Variants in MAPK6 observed in about 807,000 individuals in gnomAD.
MAPK6 encodes mitogen-activated protein kinase 6.
In MAPK6, 19 loss-of-function variants were observed where a neutral mutation model predicts 59.3. The ratio of observed to expected loss-of-function variants is 0.32; its 90% CI spans 0.22 to 0.47. The LOEUF (loss-of-function observed/expected upper bound fraction) is 0.47, where lower values mean the gene tolerates loss of function less well. Ranked by LOEUF, MAPK6 falls within the 20% of genes least tolerant of loss-of-function variation. The pLI is 1.00. For missense variants in MAPK6, 724 were observed against 847.9 expected, an observed-to-expected ratio of 0.85 and a Z score of 1.81; for synonymous variants, 316 against 290.3, an observed-to-expected ratio of 1.09 and a Z score of -0.90.
At chr15:51,975,803 G>A (rs761346443) in intron 1 of MAPK6, among the ~76,000 whole-genome samples, 2 of 151,770 alleles carry the variant, frequency 1.3e-5, no homozygotes, top group Non-Finnish European at 2.9e-5. Context: ...GAGGAACCTT[G>A]TAGTTTCTCT....
At chr15:52,037,665 C>T (rs1478228737) in intron 1 of MAPK6, among the ~76,000 whole-genome samples, 4 of 152,072 alleles carry the variant, frequency 2.6e-5, no homozygotes, top group African/African-American at 4.8e-5. Flanking sequence ...CCTGTGCATT[C>T]GCATAGAGTG....
chr15:52,016,070 G>GCGCGCAAACACACACACACACACACACA, upstream of MAPK6, among the ~76,000 whole-genome samples: 1 of 55,390 alleles, frequency 1.8e-5, no homozygotes, highest in Non-Finnish European at 3.4e-5. Context: ...GCGCGCGCGC[G>GCGCGCAAACACACACACACACACACACA]CACACACACA....
upstream of MAPK6, chr15:52,018,894 C>T (rs1000815138): frequency 1.3e-5 from 2 of 152,508 alleles, no homozygotes; most frequent in East Asian, 3.8e-4. Context: ...AGGCCTCTTC[C>T]TCTCGGATTG....
At chr15:52,008,008 G>A (rs1388746506) in intron 3 of MAPK6, among the ~76,000 whole-genome samples, 3 of 151,870 alleles carry the variant, frequency 2.0e-5, no homozygotes, top group Non-Finnish European at 4.4e-5. Context: ...CACCACGCCC[G>A]GCTAATTTTT....
At chr15:52,031,554 G>A (rs1023818002) in intron 1 of MAPK6, among the ~76,000 whole-genome samples, 14 of 152,158 alleles carry the variant, frequency 9.2e-5, no homozygotes, top group Non-Finnish European at 1.9e-4. Flanking sequence ...ATGTTGACCA[G>A]GCGTGGTGGC....
At position 52,058,611 on chromosome 15, in the gene MAPK6, TTTG is replaced by T; in HGVS notation, c.701-19_701-17del. 3.2e-6 allele frequency: 5 copies of T among 1,568,912 alleles called. No homozygotes were observed. The highest frequency in any genetic ancestry group is 4.3e-6 in the Non-Finnish European group (5 of 1,155,608). On this transcript the variant is annotated intron_variant, in intron 3 of 5. Transcript: ENST00000261845. ...AAGTAAACATTGAGGAATGTGTTTT[TTTG>T]TTTGTTTTTTAACCTCAGGTGCACA...
chr15:52,056,009 G>C (rs560413351), intron 3 of MAPK6, among the ~76,000 whole-genome samples: 1 of 152,168 alleles, frequency 6.6e-6, no homozygotes, highest in Non-Finnish European at 1.5e-5. Flanking sequence ...GTGCTTTATT[G>C]ATTTTTGTCA....
intron 3 of MAPK6, among the ~76,000 whole-genome samples, chr15:52,010,514 C>CT (rs762352581): frequency 0.034 from 3,167 of 91,808 alleles, 88 homozygotes; most frequent in African/African-American, 0.043. Context: ...TGCACCCAGC[C>CT]TTTTTTTTTT....
rs1001693116 is a variant in MAPK6, at chr15:51,981,740, C to T, written c.-879-1466C>T. Among the ~76,000 whole-genome samples, 14 of 152,030 alleles carry T rather than the reference C, an allele frequency of 9.2e-5. 1 individual carries two copies. In the East Asian group the frequency reaches 2.7e-3, roughly 29 times the overall value. On this transcript the variant is annotated intron_variant, in intron 1 of 7. Transcript: ENST00000691380. ...AGGATGAGGTCAGCGTACTCAACAC[C>T]AGAGCAGGAACAACTACTGGAGGAA...
At position 52,047,035 on chromosome 15, in the gene MAPK6, T is replaced by C. The variant is rs374066365; in HGVS notation, c.555+20T>C. On this transcript the variant is annotated intron_variant, in intron 2 of 5. Coordinates refer to ENST00000261845, the MANE Select transcript of MAPK6 (RefSeq NM_002748.4). Reference sequence around the variant, plus strand: ...CATAAGGTATGTATAGAAAGCCAGCTGAGACAGATCTTTAAACTGATACAC... The same window carrying C: ...CATAAGGTATGTATAGAAAGCCAGCCGAGACAGATCTTTAAACTGATACAC... 23 of 1,504,166 alleles carry C rather than the reference T, an allele frequency of 1.5e-5. No individual in the cohort carries two copies. The highest frequency in any genetic ancestry group is 2.0e-5 in the Non-Finnish European group (22 of 1,127,162). 93.2% of individuals were successfully genotyped at this position (1,504,166 alleles called of 1,614,324 possible).
At position 52,037,808 on chromosome 15, in the gene MAPK6, C is replaced by G. The variant is rs75610654; in HGVS notation, c.-631-8022C>G. On this transcript the variant is annotated intron_variant, in intron 1 of 5. Transcript: ENST00000261845. Reference sequence around the variant, plus strand: ...TAGGACTTCCCTTCTCCAAAGCTTTCTACTCACGTAGAATATGCTATTTAC... The same window carrying G: ...TAGGACTTCCCTTCTCCAAAGCTTTGTACTCACGTAGAATATGCTATTTAC... Among the ~76,000 whole-genome samples, 1,245 of 152,288 alleles carry G rather than the reference C, an allele frequency of 8.2e-3. 15 individuals are homozygous for G. Among genetic ancestry groups the G allele is most frequent in the African/African-American group, 0.028 (1,172 of 41,560 alleles).
rs574502331 is a variant in MAPK6, at chr15:52,047,743, C to T, written c.555+728C>T. On this transcript the variant is annotated intron_variant, in intron 2 of 5. Coordinates refer to ENST00000261845, the MANE Select transcript of MAPK6 (RefSeq NM_002748.4). Reference sequence around the variant, plus strand: ...GCTCAAGTGATCCTCTGGCCTCAGCCTCCTGAATAGCTGAGGCTAAAGGTG... The same window carrying T: ...GCTCAAGTGATCCTCTGGCCTCAGCTTCCTGAATAGCTGAGGCTAAAGGTG... Among the ~76,000 whole-genome samples the T allele has an allele frequency of 1.8e-4, 28 of 151,914 alleles. 1 individual carries two copies. In the South Asian group the frequency reaches 5.2e-3, roughly 28 times the overall value.
At chr15:52,045,722 G>A (rs1028311803) in intron 1 of MAPK6, 108 bp from the exon 2 acceptor site, 3 of 152,592 alleles carry the variant, frequency 2.0e-5, no homozygotes, top group African/African-American at 4.8e-5. Flanking sequence ...TAAGTTTAAT[G>A]TACCAGTAGT....
At chr15:52,014,069 AT>A (rs763328315) in intron 3 of MAPK6, among the ~76,000 whole-genome samples, 6,492 of 140,530 alleles carry the variant, frequency 0.046, 209 homozygotes, top group African/African-American at 0.087. Context: ...TTCATCTGGG[AT>A]TTTTTTTTTT....
chr15:52,057,387 C>A (rs948041314), intron 3 of MAPK6: 1 of 152,260 alleles, frequency 6.6e-6, no homozygotes, highest in Admixed American at 6.5e-5. Flanking sequence ...CCCCAAGCTA[C>A]TCTCCTTTTG....
intron 1 of MAPK6, among the ~76,000 whole-genome samples, chr15:52,025,914 C>T (rs1032672687): frequency 1.3e-5 from 2 of 152,166 alleles, no homozygotes; most frequent in African/African-American, 2.4e-5. Context: ...TAATAATTGT[C>T]CTTTCTTAAT....
chr15:52,010,060 C>T (rs551135449), intron 3 of MAPK6, among the ~76,000 whole-genome samples: 2 of 151,788 alleles, frequency 1.3e-5, no homozygotes, highest in African/African-American at 2.4e-5. Flanking sequence ...CGTGAGTCAC[C>T]GTGCCTGGCC....
rs893543157 is a variant in MAPK6 at position 52,021,310 on chromosome 15, G to C, written c.-632+1934G>C. 5.0e-4 allele frequency among the ~76,000 whole-genome samples: 76 copies of C among 151,342 alleles called. 1 individual carries two copies. The highest frequency in any genetic ancestry group is 3.4e-3 in the Middle Eastern group (1 of 290). On this transcript the variant is annotated intron_variant, in intron 1 of 5. Transcript: ENST00000261845. ...TAGGAGGAAGCTTACAAGTGCTGCT[G>C]CAAGTTTTGAGTTGGATGATGACTC...
At chr15:52,021,238 A>G (rs1452754159) in intron 1 of MAPK6, among the ~76,000 whole-genome samples, 1 of 152,164 alleles carries the variant, frequency 6.6e-6, no homozygotes, top group South Asian at 2.1e-4. Flanking sequence ...ACAAAATAGT[A>G]AGGTTTGCTG....
Sources: gnomAD v4.1 joint callset for allele counts (sites outside exome capture counted in the v4.1 genomes callset) on GRCh38, gnomAD v4.1.1 for gene constraint, MANE v1.5 for transcripts, NCBI Gene and HGNC (gene_info 2026-07-23, HGNC 2026-07-21) for gene names.